The following PCDH11X variants were observed in gnomAD, a reference collection of about 807,000 sequenced individuals.
PCDH11X encodes the protein protocadherin 11 X-linked.
A neutral mutation model predicts 53.3 loss-of-function variants in PCDH11X; 18 were observed. That is an observed-to-expected ratio of 0.34 (90% CI 0.23 to 0.50). PCDH11X has a LOEUF of 0.50. Among genes scored for constraint, PCDH11X ranks in the 20% least tolerant of loss-of-function variants. PCDH11X has a pLI of 0.98. For synonymous variants in PCDH11X, 279 were observed against 393.3 expected, an observed-to-expected ratio of 0.71 and a Z score of 3.44; for missense variants, 570 against 1,032.4, an observed-to-expected ratio of 0.55 and a Z score of 6.14.
intron 10 of PCDH11X, among the ~76,000 whole-genome samples, chrX:92,507,147 C>T (rs1425393903): frequency 9.1e-6 from 1 of 110,013 alleles, no homozygotes; most frequent in Non-Finnish European, 1.9e-5. Flanking sequence ...ATCCTTCACA[C>T]TTATTTGTTC....
intron 9 of PCDH11X, among the ~76,000 whole-genome samples, chrX:92,466,334 A>C (rs1197311786): frequency 2.7e-5 from 3 of 109,838 alleles, no homozygotes; most frequent in African/African-American, 9.9e-5. Context: ...TAAACCTTTA[A>C]ACCTTAATTA....
chrX:92,162,342 C>T (rs34930178), intron 6 of PCDH11X, among the ~76,000 whole-genome samples: 1 of 109,707 alleles, frequency 9.1e-6, no homozygotes, highest in Non-Finnish European at 1.9e-5. Flanking sequence ...CAGGTGTGCA[C>T]CACCATGTCT....
chrX:91,797,698 T>G (rs1414682296), intron 1 of PCDH11X, among the ~76,000 whole-genome samples: 1 of 107,670 alleles, frequency 9.3e-6, no homozygotes, highest in Admixed American at 1.0e-4. Flanking sequence ...GCTGGTTTTA[T>G]TTTTATGTGG....
chrX:92,498,807 C>T (rs1248882150), intron 10 of PCDH11X, among the ~76,000 whole-genome samples: 1 of 107,268 alleles, frequency 9.3e-6, no homozygotes, highest in Non-Finnish European at 1.9e-5. Flanking sequence ...AAAAATATAA[C>T]ATGAAGTAGT....
intron 6 of PCDH11X, among the ~76,000 whole-genome samples, chrX:92,193,895 A>G (rs909854222): frequency 2.0e-4 from 22 of 111,842 alleles, no homozygotes; most frequent in Non-Finnish European, 3.6e-4. Flanking sequence ...CCCTTCCCTT[A>G]ATCCTGCTCT....
At chrX:92,030,251 G>A (rs996293518) in intron 6 of PCDH11X, among the ~76,000 whole-genome samples, 3 of 111,842 alleles carry the variant, frequency 2.7e-5, no homozygotes, top group Admixed American at 9.5e-5. Flanking sequence ...GTGAGCCATC[G>A]CGCCTGGCCA....
chrX:92,506,641 T>G (rs2074067300), intron 10 of PCDH11X, among the ~76,000 whole-genome samples: 1 of 106,142 alleles, frequency 9.4e-6, no homozygotes, highest in Non-Finnish European at 1.9e-5. Flanking sequence ...TGCTAGTTTT[T>G]TTTTTTTTTT....
At chrX:92,360,771 T>C (rs2070327843) in intron 8 of PCDH11X, among the ~76,000 whole-genome samples, 1 of 109,944 alleles carries the variant, frequency 9.1e-6, no homozygotes, top group Non-Finnish European at 1.9e-5. Context: ...AGGTCTTCAT[T>C]AGCTCACTAA....
intron 10 of PCDH11X, among the ~76,000 whole-genome samples, chrX:92,534,577 A>G (rs899990735): frequency 9.0e-6 from 1 of 111,074 alleles, no homozygotes; most frequent in African/African-American, 3.3e-5. Context: ...ACTCCTCGAG[A>G]AGAGCAACCC....
chrX:92,127,872 T>C (rs2064898061), intron 6 of PCDH11X, among the ~76,000 whole-genome samples: 1 of 111,235 alleles, frequency 9.0e-6, no homozygotes, highest in Admixed American at 9.7e-5. Flanking sequence ...ACCTAAAGTA[T>C]CAATTTAATG....
intron 9 of PCDH11X, among the ~76,000 whole-genome samples, chrX:92,432,360 A>G (rs2072269333): frequency 9.1e-6 from 1 of 110,288 alleles, no homozygotes; most frequent in African/African-American, 3.3e-5. Flanking sequence ...ACTTTATAAA[A>G]TATATTTAAA....
chrX:92,575,725 A>G (rs1922744864), intron 10 of PCDH11X, among the ~76,000 whole-genome samples: 1 of 105,413 alleles, frequency 9.5e-6, no homozygotes, highest in African/African-American at 3.4e-5. Context: ...TATTTTCAGA[A>G]CACAATGAAT....
At chrX:92,132,656 T>C (rs1192658435) in intron 6 of PCDH11X, among the ~76,000 whole-genome samples, 92 of 56,482 alleles carry the variant, frequency 1.6e-3, no homozygotes, top group Non-Finnish European at 1.9e-3. Flanking sequence ...TATATATATA[T>C]GTATATATAT....
chrX:91,797,881 T>A (rs1435983300), intron 1 of PCDH11X, among the ~76,000 whole-genome samples: 2 of 111,963 alleles, frequency 1.8e-5, no homozygotes, highest in African/African-American at 3.2e-5. Flanking sequence ...TTCTCTTGGA[T>A]TTATTTTCTT....
chrX:91,889,405 G>C (rs377612429), intron 6 of PCDH11X, among the ~76,000 whole-genome samples: 1 of 110,742 alleles, frequency 9.0e-6, no homozygotes, highest in East Asian at 2.9e-4. Flanking sequence ...TGCAACCTCC[G>C]CCTCCTGGGT....
chrX:92,520,850 T>G (rs1399942643), intron 10 of PCDH11X, among the ~76,000 whole-genome samples: 1 of 111,625 alleles, frequency 9.0e-6, no homozygotes, highest in Non-Finnish European at 1.9e-5. Context: ...TCACCAGTAG[T>G]AGTTTCTATG....
Position 92,578,536 on chromosome X carries a change from A to G in PCDH11X, c.3368-39728A>G, listed in dbSNP as rs1196569251. Reference sequence around the variant, plus strand: ...TGTCTTTTTTGATTACTGTTTGTTTAAATAATCTTTTTTTCAGAAACTAGG... The same window carrying G: ...TGTCTTTTTTGATTACTGTTTGTTTGAATAATCTTTTTTTCAGAAACTAGG... On this transcript the variant is annotated intron_variant, in intron 10 of 10. Transcript: ENST00000682573. Among the ~76,000 whole-genome samples, 348 of 106,414 alleles carry G rather than the reference A, an allele frequency of 3.3e-3. 2 individuals carry two copies. The highest frequency in any genetic ancestry group is 0.011 in the African/African-American group (335 of 29,233). The allele number at this position is 106,414 out of a possible 115,157, so 92.4% of individuals were successfully genotyped here.
At chrX:92,293,619 T>C (rs1235786026) in intron 8 of PCDH11X, among the ~76,000 whole-genome samples, 2 of 81,596 alleles carry the variant, frequency 2.5e-5, no homozygotes, top group African/African-American at 1.3e-4. Context: ...CGAGACTCCG[T>C]CTCAAAAAAA....
chrX:92,091,386 C>T (rs1306812822), intron 6 of PCDH11X, among the ~76,000 whole-genome samples: 1 of 110,061 alleles, frequency 9.1e-6, no homozygotes, highest in Admixed American at 9.7e-5. Context: ...ACATGCCTAT[C>T]TTTGCATTTT....
Sources: gnomAD v4.1 joint callset for allele counts (sites outside exome capture counted in the v4.1 genomes callset) on GRCh38, gnomAD v4.1.1 for gene constraint, MANE v1.5 for transcripts, NCBI Gene and HGNC (gene_info 2026-07-23, HGNC 2026-07-21) for gene names.